Variants in DAB1 observed in about 807,000 individuals in gnomAD.
DAB1 encodes the protein DAB adaptor protein 1, also known as disabled homolog 1.
Under a neutral mutation model 64.6 loss-of-function variants are expected in DAB1, and 15 were observed. That is an observed-to-expected ratio of 0.23 (90% CI 0.16 to 0.36). DAB1 has a LOEUF of 0.36. Ranked by LOEUF, DAB1 falls within the 10% of genes least tolerant of loss-of-function variation. The pLI, the probability that DAB1 is intolerant of heterozygous loss-of-function variation, is 1.00. For synonymous variants in DAB1, 235 were observed against 251.9 expected (o/e 0.93, Z 0.64); for missense variants, 596 against 706.7 (o/e 0.84, Z 1.78).
intron 3 of DAB1, among the ~76,000 whole-genome samples, chr1:58,460,849 T>C (rs1645237043): frequency 6.6e-6 from 1 of 152,212 alleles, no homozygotes; most frequent in Non-Finnish European, 1.5e-5. Flanking sequence ...ATGCTCAGTA[T>C]TTGTCACCTA....
At chr1:57,827,580 G>A (rs1261167965) in intron 1 of DAB1, among the ~76,000 whole-genome samples, 4 of 152,158 alleles carry the variant, frequency 2.6e-5, no homozygotes, top group Non-Finnish European at 5.9e-5. Flanking sequence ...AGGAGTGCCA[G>A]GCAATACTTG....
chr1:57,062,184 G>A (rs1023611228), intron 9 of DAB1, among the ~76,000 whole-genome samples: 9 of 152,218 alleles, frequency 5.9e-5, no homozygotes, highest in East Asian at 1.9e-4. Flanking sequence ...GAGTCCCACC[G>A]GCACATGGGG....
At chr1:57,425,857 C>T (rs1685265498), upstream of DAB1, among the ~76,000 whole-genome samples, 1 of 152,172 alleles carries the variant, frequency 6.6e-6, no homozygotes, top group South Asian at 2.1e-4. Context: ...GGACAATTGA[C>T]ACCAGATATG....
At chr1:57,240,713 G>A (rs1489575994) in intron 2 of DAB1, among the ~76,000 whole-genome samples, 1 of 152,160 alleles carries the variant, frequency 6.6e-6, no homozygotes, top group Non-Finnish European at 1.5e-5. Context: ...AATGAGCTGA[G>A]GAGGCTGGGC....
At chr1:57,318,505 A>T (rs144808829) in intron 1 of DAB1, among the ~76,000 whole-genome samples, 1 of 152,250 alleles carries the variant, frequency 6.6e-6, no homozygotes, top group Non-Finnish European at 1.5e-5. Flanking sequence ...TCAGCCTTCG[A>T]GAATCAGATC....
chr1:57,683,407 A>C (rs1180848716), intron 6 of DAB1, among the ~76,000 whole-genome samples: 1 of 152,188 alleles, frequency 6.6e-6, no homozygotes, highest in Non-Finnish European at 1.5e-5. Context: ...CCTCCACCAC[A>C]CAGCACACCT....
chr1:57,966,922 G>A (rs913092253), intron 5 of DAB1, among the ~76,000 whole-genome samples: 10 of 152,208 alleles, frequency 6.6e-5, no homozygotes, highest in Non-Finnish European at 7.3e-5. Flanking sequence ...GCATAGACCT[G>A]TTGAACATGG....
intron 6 of DAB1, among the ~76,000 whole-genome samples, chr1:57,692,398 G>GAGAGAA (rs907187726): frequency 5.3e-5 from 8 of 152,044 alleles, no homozygotes; most frequent in South Asian, 4.2e-4. Flanking sequence ...GAGAGAGGAA[G>GAGAGAA]AGAGAAAGAG....
chr1:57,192,974 CATG>C (rs1459453017), intron 2 of DAB1, among the ~76,000 whole-genome samples: 1 of 152,038 alleles, frequency 6.6e-6, no homozygotes, highest in Non-Finnish European at 1.5e-5. Context: ...CAGTGTACAA[CATG>C]ATGTTTTGAA....
chr1:57,147,681 C>A (rs1160926318), intron 2 of DAB1, among the ~76,000 whole-genome samples: 1 of 152,148 alleles, frequency 6.6e-6, no homozygotes, highest in Non-Finnish European at 1.5e-5. Context: ...CTATTTCAGT[C>A]CATAATAACA....
At chr1:57,838,012 A>G (rs980450233) in intron 1 of DAB1, among the ~76,000 whole-genome samples, 2 of 151,790 alleles carry the variant, frequency 1.3e-5, no homozygotes, top group Non-Finnish European at 2.9e-5. Context: ...GTGGATATTT[A>G]CCTAGTGTTT....
chr1:58,112,377 TAA>T (rs1420170754), intron 5 of DAB1, among the ~76,000 whole-genome samples: 1 of 152,218 alleles, frequency 6.6e-6, no homozygotes, highest in East Asian at 1.9e-4. Flanking sequence ...AGGCATTCAA[TAA>T]ATACATTTTT....
intron 1 of DAB1, among the ~76,000 whole-genome samples, chr1:57,854,977 T>C (rs1653688261): frequency 6.6e-6 from 1 of 152,236 alleles, no homozygotes; most frequent in African/African-American, 2.4e-5. Context: ...AGGTTTTCCG[T>C]AGTTTTTCTT....
chr1:57,431,137 C>CAA (rs1685492117), intron 7 of DAB1, among the ~76,000 whole-genome samples: 1 of 60,088 alleles, frequency 1.7e-5, no homozygotes, highest in African/African-American at 8.4e-5. Context: ...TATTTCAGGC[C>CAA]AAAAACAAAA....
chr1:57,520,992 G>A (rs1489204756), intron 7 of DAB1, among the ~76,000 whole-genome samples: 1 of 152,124 alleles, frequency 6.6e-6, no homozygotes, highest in Non-Finnish European at 1.5e-5. Context: ...ACCACATTTA[G>A]TAGCTATGTG....
chr1:57,409,432 G>C (rs1177902916), intron 1 of DAB1, among the ~76,000 whole-genome samples: 1 of 152,096 alleles, frequency 6.6e-6, no homozygotes, highest in Non-Finnish European at 1.5e-5. Context: ...TTATGTTTTG[G>C]GTGTGTTCAG....
chr1:58,122,665 C>T (rs977474276), intron 5 of DAB1, among the ~76,000 whole-genome samples: 9 of 152,078 alleles, frequency 5.9e-5, no homozygotes, highest in African/African-American at 2.2e-4. Context: ...CACCTTGTGT[C>T]CAAGAATTGG....
At chr1:57,186,840 A>G (rs181914253) in intron 2 of DAB1, among the ~76,000 whole-genome samples, 12 of 152,270 alleles carry the variant, frequency 7.9e-5, no homozygotes, top group Admixed American at 7.8e-4. Flanking sequence ...TTCTGTGTCA[A>G]TTTCTTAAGG....
chr1:57,838,718 G>T (rs1170075797), intron 1 of DAB1, among the ~76,000 whole-genome samples: 1 of 151,366 alleles, frequency 6.6e-6, no homozygotes, highest in Non-Finnish European at 1.5e-5. Flanking sequence ...AGACAAACTG[G>T]CTCATTGCAG....
Sources: allele counts gnomAD v4.1 joint callset (sites outside exome capture counted in the v4.1 genomes callset), GRCh38; gene constraint gnomAD v4.1.1; transcripts MANE v1.5; gene names NCBI Gene and HGNC (gene_info 2026-07-23, HGNC 2026-07-21).